The following SPC25 variants were observed in gnomAD, a reference collection of about 807,000 sequenced individuals.
SPC25 encodes kinetochore protein Spc25.
SPC25 carries 22 observed loss-of-function variants against 29.6 expected under a neutral mutation model. That is an observed-to-expected ratio of 0.74 (90% CI 0.53 to 1.06). The LOEUF (loss-of-function observed/expected upper bound fraction) is 1.06. SPC25 is among the 50% of genes least tolerant of loss of function. The pLI, the probability that SPC25 is intolerant of heterozygous loss-of-function variation, is 0.00. For synonymous variants in SPC25, 91 were observed against 90.4 expected, an observed-to-expected ratio of 1.01 and a Z score of -0.04; for missense variants, 230 against 255.8, an observed-to-expected ratio of 0.90 and a Z score of 0.69.
Position 168,871,309 on chromosome 2 carries a change from C to G in SPC25, c.*122G>C. On this transcript the variant is annotated 3_prime_UTR_variant, in exon 7 of 7. Transcript: ENST00000282074. ...ATATGGCACATGTATACATATGTAA[C>G]AAACCTGCACATTGTGCACATGTAC... is the stretch of plus-strand genomic sequence containing the variant. 1.0e-6 allele frequency: 1 copy of G among 958,924 alleles called. No individual in the cohort carries two copies. Among genetic ancestry groups the G allele is most frequent in the African/African-American group, 1.7e-5 (1 of 58,854 alleles). The allele number at this position is 958,924 out of a possible 1,614,324, so 59.4% of individuals were successfully genotyped here. A position where few individuals can be genotyped will look rare whatever the true frequency, so the allele number is the denominator to read the frequency against.
downstream of SPC25, among the ~76,000 whole-genome samples, chr2:168,870,006 G>C (rs1437805217): frequency 6.6e-6 from 1 of 151,636 alleles, no homozygotes; most frequent in African/African-American, 2.4e-5. Flanking sequence ...TACCAAAACA[G>C]AGATATAGAC....
At chr2:168,862,709 T>TA (rs1689541987) in intron 4 of SPC25, among the ~76,000 whole-genome samples, 1 of 152,180 alleles carries the variant, frequency 6.6e-6, no homozygotes, top group South Asian at 2.1e-4. Context: ...AGTGGCTTTA[T>TA]AATGTAAACC....
chr2:168,878,683 C>A (rs1690128083), intron 3 of SPC25, among the ~76,000 whole-genome samples: 1 of 152,036 alleles, frequency 6.6e-6, no homozygotes, highest in Non-Finnish European at 1.5e-5. Context: ...GTACTACACC[C>A]CAAAAAAATC....
downstream of SPC25, among the ~76,000 whole-genome samples, chr2:168,870,230 G>T (rs1243350414): frequency 6.6e-6 from 1 of 151,718 alleles, no homozygotes; most frequent in Admixed American, 6.6e-5. Context: ...AGACTTACAT[G>T]TTAGACCTAA....
chr2:168,871,460 T>C lies in SPC25; in HGVS notation c.646A>G (p.Lys216Glu). The C allele has an allele frequency of 6.2e-7, 1 of 1,610,004 alleles. No individual in the cohort carries two copies. The highest frequency in any genetic ancestry group is 8.5e-7 in the Non-Finnish European group (1 of 1,178,440). The change falls in exon 7 of 7, where the codon AAA (lysine) becomes GAA (glutamate). Residue 216 changes from lysine to glutamate, a missense_variant. Lys to Glu is a moderately conservative substitution (Grantham distance 56). Transcript: ENST00000282074. Reference protein sequence around the residue: ...NFSAFLANVRKAFTATVYN With the variant: ...NFSAFLANVREAFTATVYN ...TTATAAACCGTGGCAGTAAAAGCTT[T>C]CCGAACATTGGCAAGAAAAGCTGAA...
chr2:168,866,207 AC>A (rs1689846297), downstream of SPC25, among the ~76,000 whole-genome samples: 3 of 152,426 alleles, frequency 2.0e-5, no homozygotes, highest in South Asian at 6.2e-4. Flanking sequence ...GCATCACGCT[AC>A]CTGACTTCAA....
intron 3 of SPC25, among the ~76,000 whole-genome samples, 176 bp downstream of exon 3, chr2:168,889,048 CAT>C (rs1344025502): frequency 1.6e-4 from 14 of 89,968 alleles, no homozygotes; most frequent in East Asian, 5.5e-4. Context: ...TATATATACA[CAT>C]ATATATACAT....
At chr2:168,866,813 G>A (rs1387545884), downstream of SPC25, among the ~76,000 whole-genome samples, 3 of 151,590 alleles carry the variant, frequency 2.0e-5, no homozygotes, top group Non-Finnish European at 4.4e-5. Flanking sequence ...GTGGGCGAAG[G>A]ATATGAACAG....
intron 3 of SPC25, among the ~76,000 whole-genome samples, chr2:168,884,541 C>A (rs538348298): frequency 2.0e-5 from 3 of 152,292 alleles, no homozygotes; most frequent in East Asian, 3.9e-4. Flanking sequence ...CTTTCTTGTT[C>A]CCAAAATATC....
intron 4 of SPC25, chr2:168,865,412 CA>C (rs1482948209): frequency 6.4e-6 from 1 of 155,576 alleles, no homozygotes; most frequent in African/African-American, 2.4e-5. Flanking sequence ...AGATGAGGAA[CA>C]CAGATCAATT....
chr2:168,878,244 A>G (rs1228490015), intron 3 of SPC25, among the ~76,000 whole-genome samples: 1 of 152,248 alleles, frequency 6.6e-6, no homozygotes, highest in Non-Finnish European at 1.5e-5. Flanking sequence ...AAGATGCTCA[A>G]TAAAATATTA....
chr2:168,886,197 G>A (rs2105836620), intron 3 of SPC25, among the ~76,000 whole-genome samples: 1 of 151,818 alleles, frequency 6.6e-6, no homozygotes, highest in Admixed American at 6.6e-5. Flanking sequence ...GGGACTACAG[G>A]TGCCCACCAC....
intron 4 of SPC25, among the ~76,000 whole-genome samples, chr2:168,876,935 T>C (rs1204135102): frequency 6.6e-6 from 1 of 152,174 alleles, no homozygotes; most frequent in African/African-American, 2.4e-5. Flanking sequence ...CACTATGGCT[T>C]GTCCAAAGCA....
chr2:168,864,731 C>G lies in SPC25; in HGVS notation n.419+8854G>C. ...GAATCAAGTGCAGAAAATGACACTA[C>G]CAAGTAAATCCTTGAAGCAGAACCT... is the stretch of plus-strand genomic sequence containing the variant. On this transcript the variant is annotated intron_variant and non_coding_transcript_variant, in intron 4 of 4. Coordinates refer to the SPC25 transcript ENST00000479309. The G allele has an allele frequency of 6.7e-6, 9 of 1,346,318 alleles. No homozygotes were observed. The South Asian group carries it at 1.2e-4, about 18-fold the overall frequency. The allele number at this position is 1,346,318 out of a possible 1,614,324, so 83.4% of individuals were successfully genotyped here. A position where few individuals can be genotyped will look rare whatever the true frequency, so the allele number is the denominator to read the frequency against.
At position 168,871,559 on chromosome 2, in the gene SPC25, GAAAA is replaced by G. The variant is rs5836210; in HGVS notation, c.551-8_551-5del. ...AGATGAGGGGCACTATCTGACACTAGAAAAAAAAAAAAAAGAAATCAAAGACAAT... is the reference window on the plus strand; with the variant it reads ...AGATGAGGGGCACTATCTGACACTAGAAAAAAAAAAGAAATCAAAGACAAT... On this transcript the variant is annotated splice_polypyrimidine_tract_variant and splice_region_variant and intron_variant, in intron 6 of 6. Coordinates refer to ENST00000282074, the MANE Select transcript of SPC25 (RefSeq NM_020675.4). The G allele has an allele frequency of 9.8e-3, 12,615 of 1,286,948 alleles. No homozygotes were observed. Among genetic ancestry groups the G allele is most frequent in the South Asian group, 0.026 (1,591 of 61,968 alleles). 79.7% of individuals were successfully genotyped at this position (1,286,948 alleles called of 1,614,324 possible).
chr2:168,875,532 G>T (rs1016043839), intron 5 of SPC25, among the ~76,000 whole-genome samples: 2 of 152,058 alleles, frequency 1.3e-5, no homozygotes, highest in Non-Finnish European at 2.9e-5. Flanking sequence ...TATTAATGTA[G>T]CTTCTCTCCC....
At chr2:168,889,723 G>T (rs1436347745) in intron 1 of SPC25, among the ~76,000 whole-genome samples, 190 bp from the exon 2 acceptor site, 5 of 152,140 alleles carry the variant, frequency 3.3e-5, no homozygotes, top group Non-Finnish European at 2.9e-5. Context: ...CAATAATTCA[G>T]GACACCTTTA....
At chr2:168,872,234 C>T (rs1023699536) in intron 6 of SPC25, among the ~76,000 whole-genome samples, 20 of 152,168 alleles carry the variant, frequency 1.3e-4, no homozygotes, top group African/African-American at 4.8e-4. Flanking sequence ...TCCCAAAGTG[C>T]TGGGATTACA....
downstream of SPC25, among the ~76,000 whole-genome samples, chr2:168,867,133 C>T (rs535166984): frequency 3.9e-5 from 6 of 152,100 alleles, no homozygotes; most frequent in African/African-American, 1.4e-4. Flanking sequence ...GAGTATATAC[C>T]CAAAGGATTA....
Sources: gnomAD v4.1 joint callset for allele counts (sites outside exome capture counted in the v4.1 genomes callset) on GRCh38, gnomAD v4.1.1 for gene constraint, MANE v1.5 for transcripts, NCBI Gene and HGNC (gene_info 2026-07-23, HGNC 2026-07-21) for gene names.